DAB2IP: variants seen among roughly 807,000 people sequenced by gnomAD.
DAB2IP encodes the protein DAB2 interacting protein, also known as disabled homolog 2-interacting protein.
Under a neutral mutation model 107.2 loss-of-function variants are expected in DAB2IP, and 28 were observed. The observed-to-expected ratio is 0.26, with a 90% CI of 0.19 to 0.36. The LOEUF is 0.36. Among genes scored for constraint, DAB2IP ranks in the 10% least tolerant of loss-of-function variants. The probability of loss-of-function intolerance (pLI) is 1.00; values close to 1 mark genes in which losing one functional copy is unlikely to be tolerated. For synonymous variants in DAB2IP, 755 were observed against 706.4 expected, an observed-to-expected ratio of 1.07 and a Z score of -1.09; for missense variants, 1,400 against 1,644.7, an observed-to-expected ratio of 0.85 and a Z score of 2.57.
rs552189691 is a variant in DAB2IP at position 121,694,643 on chromosome 9, C to T, written c.229-4682C>T. 8.9e-4 allele frequency among the ~76,000 whole-genome samples: 135 copies of T among 152,132 alleles called. 1 individual carries two copies. The highest frequency in any genetic ancestry group is 3.1e-3 in the African/African-American group (129 of 41,482). On this transcript the variant is annotated intron_variant, in intron 2 of 15. Coordinates refer to ENST00000408936, the Ensembl canonical transcript of DAB2IP. ...AGCTGCTTAAGAACTTGGGTCCTTC[C>T]AGCCAAAGACCCCCCAGGCCTCTGA...
exon 12 of DAB2IP, chr9:121,773,007 T>C: frequency 2.5e-6 from 4 of 1,611,256 alleles, no homozygotes; most frequent in Non-Finnish European, 3.4e-6. Context: ...GGCACCGCTC[T>C]CCTTCCAGAA....
In DAB2IP at chr9:121,699,414, G is replaced by T. The variant is rs776767659; in HGVS notation, c.318G>T (p.Leu106=). 1 of 1,469,720 alleles carries T rather than the reference G, an allele frequency of 6.8e-7. No homozygotes were observed. The highest frequency in any genetic ancestry group is 9.1e-7 in the Non-Finnish European group (1 of 1,100,638). The allele number at this position is 1,469,720 out of a possible 1,614,324, so 91.0% of individuals were successfully genotyped here. A position where few individuals can be genotyped will look rare whatever the true frequency, so the allele number is the denominator to read the frequency against. ...GCAACCACAGCTTCCGCCACATCCTGCCGGGGTTCCGGAGCGCCGCCGCCG... is the reference window on the plus strand; with the variant it reads ...GCAACCACAGCTTCCGCCACATCCTTCCGGGGTTCCGGAGCGCCGCCGCCG... Residue 106 remains leucine (L), a synonymous_variant, in exon 3 of 16, where the codon CTG becomes CTT. Transcript: ENST00000408936. This position sits in a 1 kb window ranked among gnomAD's most constrained non-coding sequence, Gnocchi z 6.2.
intron 2 of DAB2IP, among the ~76,000 whole-genome samples, chr9:121,692,973 T>C (rs2118696944): frequency 6.6e-6 from 1 of 152,346 alleles, no homozygotes; most frequent in South Asian, 2.1e-4. Flanking sequence ...CCAGGCACCC[T>C]GGCCCTGGCA....
intron 1 of DAB2IP, among the ~76,000 whole-genome samples, chr9:121,641,892 CCTTTCTTTCTTTCTTTCTTTCTTT>C (rs71370681): frequency 3.4e-5 from 3 of 89,334 alleles, no homozygotes; most frequent in African/African-American, 1.6e-4. Context: ...CATTTCTTTC[CCTTTCTTTCTTTCTTTCTTTCTTT>C]CTTTCTTTCT....
chr9:121,666,916 A>ACACAC (rs1554721728), intron 1 of DAB2IP, among the ~76,000 whole-genome samples: 3 of 110,322 alleles, frequency 2.7e-5, no homozygotes, highest in Non-Finnish European at 4.1e-5. Flanking sequence ...ACACACACAC[A>ACACAC]ACACTCTTAA....
chr9:121,674,880 T>C (rs1564148906), intron 1 of DAB2IP, among the ~76,000 whole-genome samples: 1 of 151,372 alleles, frequency 6.6e-6, no homozygotes, highest in Admixed American at 6.6e-5. Flanking sequence ...CAGGGTGGTG[T>C]GTGTGTGTGT....
chr9:121,680,394 G>C (rs1408244768), intron 2 of DAB2IP, among the ~76,000 whole-genome samples: 1 of 152,228 alleles, frequency 6.6e-6, no homozygotes, highest in East Asian at 1.9e-4. Flanking sequence ...AGGTGATTCT[G>C]AGTCCCCAGC....
chr9:121,574,919 A>G (rs558911036), intron 1 of DAB2IP: 1 of 152,270 alleles, frequency 6.6e-6, no homozygotes, highest in South Asian at 2.1e-4. Context: ...AACAGACAAT[A>G]AAGAACAAAG....
chr9:121,643,416 G>A (rs1299747991), intron 1 of DAB2IP, among the ~76,000 whole-genome samples: 1 of 151,898 alleles, frequency 6.6e-6, no homozygotes, highest in Non-Finnish European at 1.5e-5. Flanking sequence ...TTCCCCTCTG[G>A]AGAAGCTGCC....
In DAB2IP at chr9:121,772,513, A is replaced by G. The variant is rs765705811; in HGVS notation, c.2079-94A>G. The G allele has an allele frequency of 7.2e-7, 1 of 1,384,332 alleles. No homozygotes were observed. The highest frequency in any genetic ancestry group is 1.3e-5 in the South Asian group (1 of 74,286). 85.8% of individuals were successfully genotyped at this position (1,384,332 alleles called of 1,614,324 possible). On this transcript the variant is annotated intron_variant, in intron 11 of 15. Transcript: ENST00000408936. The surrounding 1 kb of genome is among the most constrained non-coding windows in gnomAD (Gnocchi z 4.7). The stretch of plus-strand genomic sequence containing the variant: ...CTGGCTCAGGCTGCCAGGCCCCGGC[A>G]GGTTGGCGGGTGCTGTCGGTTTGGA...
chr9:121,577,428 G>T (rs984568916), intron 1 of DAB2IP, among the ~76,000 whole-genome samples: 9 of 152,254 alleles, frequency 5.9e-5, no homozygotes, highest in Non-Finnish European at 1.2e-4. Context: ...ACACGGGCAG[G>T]CGTGCGTGAG....
At chr9:121,697,788 G>A (rs1829500094) in intron 2 of DAB2IP, among the ~76,000 whole-genome samples, 2 of 152,208 alleles carry the variant, frequency 1.3e-5, no homozygotes, top group South Asian at 4.1e-4. Context: ...GGTGGCCACA[G>A]GGGTATGTCT....
intron 11 of DAB2IP, among the ~76,000 whole-genome samples, chr9:121,771,264 A>C (rs1834708672): frequency 6.6e-6 from 1 of 152,212 alleles, no homozygotes; most frequent in Non-Finnish European, 1.5e-5. Context: ...CACACGGCAG[A>C]GTGGAAGGCA....
At chr9:121,764,574 A>G (rs569496173) in intron 8 of DAB2IP, among the ~76,000 whole-genome samples, 1 of 152,308 alleles carries the variant, frequency 6.6e-6, no homozygotes, top group East Asian at 1.9e-4. Flanking sequence ...GGTGGCACAC[A>G]GGACTGTGCG....
chr9:121,707,523 C>A (rs2118764294), intron 3 of DAB2IP, among the ~76,000 whole-genome samples: 1 of 152,324 alleles, frequency 6.6e-6, no homozygotes, highest in Middle Eastern at 3.4e-3. Context: ...CTGCCTGTCG[C>A]CCTAACTTTT....
chr9:121,690,746 C>T (rs1475605845), intron 2 of DAB2IP, among the ~76,000 whole-genome samples: 2 of 152,168 alleles, frequency 1.3e-5, no homozygotes, highest in Non-Finnish European at 1.5e-5. Context: ...CTTTTTCCTC[C>T]GTTAGACTCT....
At chr9:121,741,663 G>A (rs2118897431) in intron 3 of DAB2IP, among the ~76,000 whole-genome samples, 1 of 151,948 alleles carries the variant, frequency 6.6e-6, no homozygotes, top group South Asian at 2.1e-4. Flanking sequence ...AATCACTGAG[G>A]GTCCTTTTAT....
chr9:121,590,880 C>T (rs1830411426), intron 1 of DAB2IP, among the ~76,000 whole-genome samples: 2 of 152,184 alleles, frequency 1.3e-5, no homozygotes, highest in South Asian at 4.1e-4. Flanking sequence ...GAGCATGACA[C>T]ATCCATCCAG....
At chr9:121,685,745 C>T (rs72770693) in intron 2 of DAB2IP, among the ~76,000 whole-genome samples, 5,215 of 152,346 alleles carry the variant, frequency 0.034, 146 homozygotes, top group South Asian at 0.087. Flanking sequence ...AGGATGAAAA[C>T]GTAGTTGCTA....
Sources: gnomAD v4.1 joint callset for allele counts (sites outside exome capture counted in the v4.1 genomes callset) on GRCh38, gnomAD v4.1.1 for gene constraint, Gnocchi (gnomAD v3.1) non-coding constraint, MANE v1.5 for transcripts, NCBI Gene and HGNC (gene_info 2026-07-23, HGNC 2026-07-21) for gene names.